Variants in UTRN observed in about 807,000 individuals in gnomAD.
UTRN encodes utrophin.
UTRN carries 283 observed loss-of-function variants against 463.9 expected under a neutral mutation model. That is an observed-to-expected ratio of 0.61 (90% CI 0.55 to 0.67). The LOEUF is 0.67. UTRN is among the 30% of genes least tolerant of loss of function. The pLI is 0.00. For missense variants in UTRN, 3,922 were observed against 4,084.3 expected (o/e 0.96, Z 1.08); for synonymous variants, 1,442 against 1,431.5 (o/e 1.01, Z -0.17).
intron 6 of UTRN, among the ~76,000 whole-genome samples, chr6:144,426,000 A>G (rs763898353): frequency 5.3e-5 from 8 of 152,224 alleles, no homozygotes; most frequent in Non-Finnish European, 8.8e-5. Flanking sequence ...TGTGAAAGTT[A>G]TGTTCATTGT....
rs1782452758 is a variant in UTRN at position 144,851,072 on chromosome 6, A to G, written c.*75A>G. On this transcript the variant is annotated 3_prime_UTR_variant, in exon 75 of 75. Coordinates refer to ENST00000367545, the MANE Select transcript of UTRN (RefSeq NM_007124.3). ...TCAGCAAATGCCAATTCCAAGTTCC[A>G]TTAAATCAGAAGCTCCATGGCTCCT... is the stretch of plus-strand genomic sequence containing the variant. 2 of 1,600,204 alleles carry G rather than the reference A, an allele frequency of 1.2e-6. No individual in the cohort carries two copies. The highest frequency in any genetic ancestry group is 4.5e-5 in the East Asian group (2 of 44,774).
In UTRN at chr6:144,846,827, G is replaced by A. The variant is rs766891149; in HGVS notation, c.10293G>A (p.Gln3431=). ...SCCPNVPSRP[Q]AM ...CAGCAAATGTTCCCAGCAGGCCACA[G>A]GTAAGAGTTAATGGCTTGGTTGGCT... The change falls in exon 74 of 75, where the codon CAG becomes CAA. Residue 3431 remains glutamine, a splice_region_variant and synonymous_variant. Transcript: ENST00000367545. The A allele has an allele frequency of 3.1e-6, 5 of 1,613,942 alleles. No homozygotes were observed. The highest frequency in any genetic ancestry group is 1.6e-4 in the Middle Eastern group (1 of 6,082).
chr6:144,520,816 A>G (rs1278297679), intron 39 of UTRN, among the ~76,000 whole-genome samples: 1 of 152,204 alleles, frequency 6.6e-6, no homozygotes, highest in African/African-American at 2.4e-5. Flanking sequence ...TAGAAGTTCA[A>G]CATAGGAGAA....
At chr6:144,558,948 A>AT (rs1277318853) in intron 50 of UTRN, among the ~76,000 whole-genome samples, 4 of 152,172 alleles carry the variant, frequency 2.6e-5, no homozygotes, top group African/African-American at 9.7e-5. Context: ...TATAGCTAAC[A>AT]TAAAAAAAAG....
At chr6:144,803,631 C>G (rs1266332864) in intron 65 of UTRN, among the ~76,000 whole-genome samples, 1 of 151,942 alleles carries the variant, frequency 6.6e-6, no homozygotes, top group Non-Finnish European at 1.5e-5. Context: ...TTTCACTCGA[C>G]ATTCCATTTC....
At chr6:144,651,256 A>G (rs1447608807) in intron 51 of UTRN, among the ~76,000 whole-genome samples, 1 of 152,170 alleles carries the variant, frequency 6.6e-6, no homozygotes, top group Non-Finnish European at 1.5e-5. Flanking sequence ...TATACATATA[A>G]TAATAAGAAA....
intron 58 of UTRN, among the ~76,000 whole-genome samples, chr6:144,768,208 T>C (rs567847796): frequency 6.6e-6 from 1 of 152,316 alleles, no homozygotes; most frequent in African/African-American, 2.4e-5. Flanking sequence ...CTTATATTAT[T>C]TGTGTTTTAC....
intron 37 of UTRN, 97 bp downstream of exon 37, chr6:144,514,917 T>C: frequency 1.6e-6 from 2 of 1,289,770 alleles, no homozygotes; most frequent in Non-Finnish European, 2.1e-6. Flanking sequence ...TGTTTTATTA[T>C]TTTAATTTTA....
At chr6:144,768,959 T>TG (rs1491148587) in intron 58 of UTRN, among the ~76,000 whole-genome samples, 20 of 106,284 alleles carry the variant, frequency 1.9e-4, no homozygotes, top group Admixed American at 1.1e-3. Flanking sequence ...TTTTGTTTTG[T>TG]TTTTTTTTTT....
chr6:144,347,589 T>C (rs1202136070), intron 2 of UTRN, among the ~76,000 whole-genome samples: 1 of 152,196 alleles, frequency 6.6e-6, no homozygotes, highest in Non-Finnish European at 1.5e-5. Context: ...GGCTGAACAG[T>C]GGCTGTCATC....
intron 26 of UTRN, among the ~76,000 whole-genome samples, chr6:144,481,149 C>A (rs1329993920): frequency 6.6e-6 from 1 of 152,048 alleles, no homozygotes; most frequent in African/African-American, 2.4e-5. Context: ...TATTTTTATT[C>A]TTTCAAACAG....
chr6:144,657,870 TTTTA>T (rs1412149031), intron 51 of UTRN, among the ~76,000 whole-genome samples: 3 of 152,164 alleles, frequency 2.0e-5, no homozygotes, highest in African/African-American at 7.2e-5. Flanking sequence ...TCTCTCCCTT[TTTTA>T]TTTATTTATT....
chr6:144,297,895 A>G (rs1008306655), intron 2 of UTRN, among the ~76,000 whole-genome samples: 1 of 152,226 alleles, frequency 6.6e-6, no homozygotes, highest in Non-Finnish European at 1.5e-5. Flanking sequence ...GATTCTAAGC[A>G]AAGGAAGTAC....
chr6:144,650,857 C>T (rs982057436), intron 51 of UTRN, among the ~76,000 whole-genome samples: 1 of 151,946 alleles, frequency 6.6e-6, no homozygotes, highest in Admixed American at 6.6e-5. Context: ...TGCAGTGGGC[C>T]CAGACTGCGC....
chr6:144,421,682 C>T (rs538558941), intron 3 of UTRN, among the ~76,000 whole-genome samples, 196 bp from the exon 4 acceptor site: 2 of 150,958 alleles, frequency 1.3e-5, no homozygotes, highest in South Asian at 4.2e-4. Flanking sequence ...GAGTGAGACT[C>T]TGTCTAAAAA....
At position 144,852,410 on chromosome 6, in the gene UTRN, CAT is replaced by C. The variant is rs1782534336; in HGVS notation, c.*1415_*1416del. The C allele has an allele frequency of 6.6e-6, 1 of 152,382 alleles. No individual in the cohort carries two copies. The highest frequency in any genetic ancestry group is 2.1e-4 in the South Asian group (1 of 4,824). The allele number at this position is 152,382 out of a possible 1,614,324, so 9.4% of individuals were successfully genotyped here. On this transcript the variant is annotated 3_prime_UTR_variant, in exon 75 of 75. Transcript: ENST00000367545. ...TGATTCAAACCTAAAGACATAAAAA[CAT>C]AAAGACATTTTAACTTTGGGTTCTC...
intron 2 of UTRN, among the ~76,000 whole-genome samples, chr6:144,353,954 T>C (rs897855078): frequency 6.6e-5 from 10 of 152,132 alleles, no homozygotes; most frequent in African/African-American, 2.4e-4. Flanking sequence ...GGTGCTGCGG[T>C]CGTTGTTGTG....
intron 9 of UTRN, 134 bp downstream of exon 9, chr6:144,429,875 A>G (rs1470600699): frequency 4.5e-6 from 4 of 887,030 alleles, no homozygotes; most frequent in Non-Finnish European, 6.7e-6. Context: ...TTGCATAAGA[A>G]GTTCAGCTTA....
intron 2 of UTRN, among the ~76,000 whole-genome samples, chr6:144,379,381 T>G (rs1383609047): frequency 6.6e-6 from 1 of 152,186 alleles, no homozygotes; most frequent in African/African-American, 2.4e-5. Context: ...CATCTGAAGC[T>G]TGACCGAGGC....
Sources: allele counts gnomAD v4.1 joint callset (sites outside exome capture counted in the v4.1 genomes callset), GRCh38; gene constraint gnomAD v4.1.1; transcripts MANE v1.5; gene names NCBI Gene and HGNC (gene_info 2026-07-23, HGNC 2026-07-21).